THAP10: variants seen among roughly 807,000 people sequenced by gnomAD.
THAP10 encodes the protein THAP domain-containing protein 10.
A neutral mutation model predicts 15.7 loss-of-function variants in THAP10; 10 were observed. That is an observed-to-expected ratio of 0.64 (90% confidence interval 0.39 to 1.08). The LOEUF is 1.08. Among genes scored for constraint, THAP10 ranks in the 50% least tolerant of loss-of-function variants. The pLI is 0.01. For synonymous variants in THAP10, 127 were observed against 129.1 expected (o/e 0.98, Z 0.11); for missense variants, 310 against 330.9 (o/e 0.94, Z 0.49).
intron 1 of THAP10, among the ~76,000 whole-genome samples, chr15:70,884,412 C>T (rs540491101): frequency 3.9e-5 from 6 of 152,022 alleles, no homozygotes; most frequent in South Asian, 2.1e-4. Context: ...ATCAGCTATT[C>T]GGGAGGCTGA....
chr15:70,892,310 G>T lies in THAP10; in HGVS notation c.-38C>A, dbSNP rs1193594909. The T allele has an allele frequency of 5.8e-6, 9 of 1,550,530 alleles. No homozygotes were observed. The highest frequency in any genetic ancestry group is 1.2e-5 in the South Asian group (1 of 83,756). On this transcript the variant is annotated 5_prime_UTR_variant, in exon 1 of 3. Transcript: ENST00000249861. ...CGGTGCGCGGGAGCCGGGTTCCCTG[G>T]ACCTTCGCCCTTGGGCACGCTCCTC... is the stretch of plus-strand genomic sequence containing the variant.
chr15:70,881,788 C>T lies in THAP10; in HGVS notation c.*666G>A, dbSNP rs955476221. The T allele has an allele frequency of 6.6e-6, 1 of 152,102 alleles. No homozygotes were observed. Among genetic ancestry groups the T allele is most frequent in the Non-Finnish European group, 1.5e-5 (1 of 68,020 alleles). 9.4% of individuals were successfully genotyped at this position (152,102 alleles called of 1,614,324 possible). On this transcript the variant is annotated 3_prime_UTR_variant, in exon 3 of 3. Transcript: ENST00000249861. ...AAATTAATCAAGCTAATTAATGTGTCGCAGTAAGCACTGATGCAAACAGAT... is the reference window on the plus strand; with the variant it reads ...AAATTAATCAAGCTAATTAATGTGTTGCAGTAAGCACTGATGCAAACAGAT...
rs1179528212 is a variant in THAP10 at position 70,882,887 on chromosome 15, C to A, written c.451G>T (p.Val151Leu). 3 of 1,613,932 alleles carry A rather than the reference C, an allele frequency of 1.9e-6. No individual in the cohort carries two copies. The highest frequency in any genetic ancestry group is 2.5e-6 in the Non-Finnish European group (3 of 1,179,958). Residue 151 changes from valine to leucine, a missense_variant, in exon 2 of 3, where the codon GTG becomes TTG. Val to Leu is a conservative substitution (Grantham distance 32). Transcript: ENST00000249861. The part of the protein sequence containing the change: ...ASQITCENEL[V>L]QTQPHADNPS... ...TTATCAGCATGGGGTTGGGTTTGCA[C>A]AAGTTCATTTTCACACGTAATCTAA...
intron 2 of THAP10, 37 bp from the exon 3 acceptor site, chr15:70,882,687 C>A: frequency 6.2e-7 from 1 of 1,611,276 alleles, no homozygotes; most frequent in East Asian, 2.2e-5. Context: ...ATGAGTTAGA[C>A]TTTGCTTTTC....
chr15:70,883,432 G>C (rs1002146210), intron 1 of THAP10, among the ~76,000 whole-genome samples: 2 of 152,124 alleles, frequency 1.3e-5, no homozygotes, highest in Non-Finnish European at 2.9e-5. Context: ...AACCTCAGGT[G>C]ATCTGCCCGC....
At chr15:70,884,082 T>C (rs1452750144) in intron 1 of THAP10, among the ~76,000 whole-genome samples, 1 of 152,056 alleles carries the variant, frequency 6.6e-6, no homozygotes, top group Non-Finnish European at 1.5e-5. Context: ...AAAAGATATC[T>C]GGAAAAGTTA....
At chr15:70,888,456 G>T (rs1221912721) in intron 1 of THAP10, among the ~76,000 whole-genome samples, 2 of 152,106 alleles carry the variant, frequency 1.3e-5, no homozygotes, top group Admixed American at 6.5e-5. Flanking sequence ...AGTCAAATGG[G>T]TATCAATGTT....
At chr15:70,891,693 C>A in intron 1 of THAP10, 151 bp downstream of exon 1, 1 of 651,710 alleles carries the variant, frequency 1.5e-6, no homozygotes, top group Non-Finnish European at 2.5e-6. Flanking sequence ...TAAGTGGGAC[C>A]TTGGAGATCA....
At chr15:70,884,106 G>T (rs2033340100) in intron 1 of THAP10, among the ~76,000 whole-genome samples, 1 of 152,130 alleles carries the variant, frequency 6.6e-6, no homozygotes, top group African/African-American at 2.4e-5. Flanking sequence ...GAGCCTGGGA[G>T]GAGAGAAAGT....
chr15:70,888,596 A>G (rs1305456278), intron 1 of THAP10, among the ~76,000 whole-genome samples: 1 of 152,204 alleles, frequency 6.6e-6, no homozygotes, highest in Non-Finnish European at 1.5e-5. Flanking sequence ...AAGTATTAAG[A>G]ATAAGGAAAA....
In THAP10 at chr15:70,882,850, G is replaced by C; in HGVS notation, c.488C>G (p.Thr163Ser). The change falls in exon 2 of 3, where the codon ACT becomes AGT. Residue 163 changes from threonine to serine, a missense_variant. Transcript: ENST00000249861. ...ACAGTGAGTAGGTACTGAAGTGACA[G>C]TATTAGATGGATTATCAGCATGGGG... ...TQPHADNPSN[T>S]VTSVPTHCEE... 1 of 1,614,154 alleles carries C rather than the reference G, an allele frequency of 6.2e-7. No homozygotes were observed. The highest frequency in any genetic ancestry group is 8.5e-7 in the Non-Finnish European group (1 of 1,179,982).
chr15:70,891,567 C>CTCTGTGTG (rs1229520079), intron 1 of THAP10, among the ~76,000 whole-genome samples: 1 of 137,050 alleles, frequency 7.3e-6, no homozygotes, highest in Non-Finnish European at 1.6e-5. Context: ...GGACAAGACT[C>CTCTGTGTG]TGTGTGTGTG....
chr15:70,884,547 A>C (rs2033352917), intron 1 of THAP10, among the ~76,000 whole-genome samples: 1 of 152,114 alleles, frequency 6.6e-6, no homozygotes, highest in Admixed American at 6.5e-5. Flanking sequence ...CACACAGAAA[A>C]AAAAAAAAGA....
At chr15:70,887,548 A>T (rs1277347642) in intron 1 of THAP10, among the ~76,000 whole-genome samples, 4 of 152,188 alleles carry the variant, frequency 2.6e-5, no homozygotes, top group Non-Finnish European at 5.9e-5. Context: ...CCATTTGATA[A>T]AATTCACCAT....
At chr15:70,891,565 CTCTGTGTGTGTG>C (rs1482397894) in intron 1 of THAP10, among the ~76,000 whole-genome samples, 36 of 119,068 alleles carry the variant, frequency 3.0e-4, no homozygotes, top group African/African-American at 8.6e-4. Context: ...CAGGACAAGA[CTCTGTGTGTGTG>C]TGTGTGTGTG....
At chr15:70,886,650 G>A (rs553957510) in intron 1 of THAP10, among the ~76,000 whole-genome samples, 4 of 151,958 alleles carry the variant, frequency 2.6e-5, no homozygotes, top group African/African-American at 7.2e-5. Context: ...GGTGGGTCAC[G>A]AGGTCAGGAG....
intron 1 of THAP10, among the ~76,000 whole-genome samples, chr15:70,890,857 G>A (rs74730508): frequency 0.011 from 1,640 of 152,320 alleles, 31 homozygotes; most frequent in African/African-American, 0.037. Context: ...TACACAGTGA[G>A]CAACAGGGAC....
At position 70,882,326 on chromosome 15, in the gene THAP10, T is replaced by C; in HGVS notation, c.*128A>G. On this transcript the variant is annotated 3_prime_UTR_variant, in exon 3 of 3. Transcript: ENST00000249861. ...AGCAAGCAAACTTTTGCCTTAGAGC[T>C]AAACAAATTATGCTGATACTCAACT... 1.1e-6 allele frequency: 1 copy of C among 870,320 alleles called. No homozygotes were observed. The highest frequency in any genetic ancestry group is 1.9e-5 in the South Asian group (1 of 53,182). 53.9% of individuals were successfully genotyped at this position (870,320 alleles called of 1,614,324 possible).
intron 1 of THAP10, among the ~76,000 whole-genome samples, chr15:70,886,453 CAG>C (rs1378505616): frequency 1.3e-5 from 2 of 151,360 alleles, no homozygotes; most frequent in Admixed American, 6.6e-5. Context: ...AAGTTAAAGA[CAG>C]AGCAGTGGAC....
Sources: allele counts gnomAD v4.1 joint callset (sites outside exome capture counted in the v4.1 genomes callset), GRCh38; gene constraint gnomAD v4.1.1; transcripts MANE v1.5; gene names NCBI Gene and HGNC (gene_info 2026-07-23, HGNC 2026-07-21).